Variants in SRGAP3 observed in about 807,000 individuals in gnomAD.
SRGAP3 encodes SLIT-ROBO Rho GTPase-activating protein 3.
In SRGAP3, 39 loss-of-function variants were observed where a neutral mutation model predicts 121.1. That is an observed-to-expected ratio of 0.32 (90% CI 0.25 to 0.42). The LOEUF (loss-of-function observed/expected upper bound fraction) is 0.42. Ranked by LOEUF, SRGAP3 falls within the 10% of genes least tolerant of loss-of-function variation. The probability of loss-of-function intolerance (pLI) is 1.00; values close to 1 mark genes in which losing one functional copy is unlikely to be tolerated. For synonymous variants in SRGAP3, 601 were observed against 570.0 expected (o/e 1.05, Z -0.77); for missense variants, 1,213 against 1,470.6 (o/e 0.82, Z 2.86).
rs143691562 is a variant in SRGAP3 at position 9,039,502 on chromosome 3, T to C, written c.1409-1412A>G. ...GCATAACTGAGGTATAATTTATATA[T>C]CATAAAATTTACCCATTTGGAGTGT... On this transcript the variant is annotated intron_variant, in intron 10 of 21. Transcript: ENST00000383836. 5.7e-3 allele frequency among the ~76,000 whole-genome samples: 863 copies of C among 152,332 alleles called. 2 individuals carry two copies. Among genetic ancestry groups the C allele is most frequent in the Middle Eastern group, 0.014 (4 of 294 alleles).
chr3:9,348,899 A>T (rs1194340973), intron 1 of SRGAP3: 10 of 1,047,930 alleles, frequency 9.5e-6, no homozygotes, highest in Non-Finnish European at 1.4e-5. Flanking sequence ...CTCCTGTGAG[A>T]GTCTGAAGGA....
intron 3 of SRGAP3, among the ~76,000 whole-genome samples, chr3:9,283,945 A>AT (rs1458849882): frequency 6.6e-6 from 1 of 152,198 alleles, no homozygotes; most frequent in Non-Finnish European, 1.5e-5. Context: ...TTTGCCTAAC[A>AT]TTTATAGACA....
intron 4 of SRGAP3, among the ~76,000 whole-genome samples, chr3:9,076,872 C>T (rs1381306170): frequency 2.0e-5 from 3 of 152,152 alleles, no homozygotes; most frequent in African/African-American, 4.8e-5. Flanking sequence ...CACAGCCAAG[C>T]CCAGAGGTAC....
chr3:9,182,482 G>C (rs929902048), intron 1 of SRGAP3, among the ~76,000 whole-genome samples: 1 of 152,030 alleles, frequency 6.6e-6, no homozygotes, highest in African/African-American at 2.4e-5. Context: ...TTCCCCCAGA[G>C]CCAACAGGGA....
At chr3:9,344,906 G>A (rs1185129186) in intron 1 of SRGAP3, among the ~76,000 whole-genome samples, 5 of 151,792 alleles carry the variant, frequency 3.3e-5, no homozygotes, top group South Asian at 2.1e-4. Context: ...GTGTGGTGGC[G>A]TGCGCCTGTA....
intron 1 of SRGAP3, among the ~76,000 whole-genome samples, chr3:9,360,681 C>A (rs558312971): frequency 6.6e-6 from 1 of 152,194 alleles, no homozygotes; most frequent in Non-Finnish European, 1.5e-5. Context: ...ATGGGAGAAG[C>A]GGAAGTGGAA....
intron 12 of SRGAP3, 71 bp from the exon 13 acceptor site, chr3:9,027,066 C>T (rs1427808011): frequency 1.7e-5 from 23 of 1,380,324 alleles, no homozygotes; most frequent in Middle Eastern, 3.5e-4. Flanking sequence ...TTGCAAACAC[C>T]GATTACAGAC....
intron 1 of SRGAP3, among the ~76,000 whole-genome samples, chr3:9,191,254 C>T (rs562294751): frequency 9.9e-5 from 15 of 152,274 alleles, no homozygotes; most frequent in Non-Finnish European, 1.5e-4. Flanking sequence ...GATTCACACA[C>T]GGAAAACATT....
At chr3:9,199,232 G>A (rs965692332) in intron 1 of SRGAP3, among the ~76,000 whole-genome samples, 8 of 152,176 alleles carry the variant, frequency 5.3e-5, no homozygotes, top group African/African-American at 1.2e-4. Flanking sequence ...GCACACTCCC[G>A]CGACTCACTC....
At chr3:9,049,844 G>T (rs1458558138) in intron 9 of SRGAP3, among the ~76,000 whole-genome samples, 1 of 150,882 alleles carries the variant, frequency 6.6e-6, no homozygotes, top group African/African-American at 2.4e-5. Context: ...TACGATGTTG[G>T]CTCACTGCAA....
rs1156970636 is a variant in SRGAP3 at position 9,013,530 on chromosome 3, G to C, written c.1925C>G (p.Ser642Cys). Residue 642 changes from serine to cysteine, a missense_variant, in exon 17 of 22, where the codon TCC becomes TGC. By Grantham distance (112) the Ser-to-Cys change is moderately radical. This residue lies in a region of SRGAP3 where 793 missense variants were observed against 1,032.9 expected (regional missense o/e 0.77). Coordinates refer to ENST00000383836, the MANE Select transcript of SRGAP3 (RefSeq NM_014850.4). ...CATCATGTTCTCGTCGCTATACTGG[G>C]AGAGGCTAGGAGAGAGGAGTTACCC... ...RYLFAFLNHLSQYSDENMMDP... is the reference protein window; with the variant it reads ...RYLFAFLNHLCQYSDENMMDP... 2.5e-6 allele frequency: 4 copies of C among 1,614,070 alleles called. No individual in the cohort carries two copies. In the East Asian group the frequency reaches 8.9e-5, roughly 36 times the overall value.
At chr3:9,326,598 T>C (rs1158416385) in intron 2 of SRGAP3, among the ~76,000 whole-genome samples, 1 of 151,794 alleles carries the variant, frequency 6.6e-6, no homozygotes, top group African/African-American at 2.4e-5. Context: ...AACACTGAAC[T>C]TATGTCCTCT....
At chr3:8,994,034 GC>G (rs1473555909) in intron 19 of SRGAP3, 6 of 434,344 alleles carry the variant, frequency 1.4e-5, no homozygotes, top group African/African-American at 1.2e-4. Flanking sequence ...GAGGCACATG[GC>G]AGGATCCCCT....
upstream of SRGAP3, among the ~76,000 whole-genome samples, chr3:9,250,136 T>A (rs1358760310): frequency 6.6e-6 from 1 of 152,194 alleles, no homozygotes; most frequent in Admixed American, 6.5e-5. Flanking sequence ...GGTCATTGGC[T>A]TGTGGGGCTC....
chr3:9,110,145 T>C (rs921726198), intron 2 of SRGAP3, among the ~76,000 whole-genome samples: 4 of 152,014 alleles, frequency 2.6e-5, no homozygotes, highest in Middle Eastern at 3.4e-3. Flanking sequence ...AGGTAGGAAA[T>C]TGACTGGACA....
chr3:9,226,928 C>T (rs139723784), intron 1 of SRGAP3, among the ~76,000 whole-genome samples: 227 of 152,280 alleles, frequency 1.5e-3, no homozygotes, highest in African/African-American at 3.8e-3. Context: ...CTCCAAACCC[C>T]GTCTGCAGGA....
At chr3:9,112,867 C>G (rs945697694) in intron 2 of SRGAP3, among the ~76,000 whole-genome samples, 2 of 152,178 alleles carry the variant, frequency 1.3e-5, no homozygotes, top group Non-Finnish European at 2.9e-5. Flanking sequence ...TCTCTGGTGC[C>G]CAGGCCAACC....
Position 8,985,802 on chromosome 3 carries a change from C to G in SRGAP3, c.3017G>C (p.Ser1006Thr). The change falls in exon 22 of 22, where the codon AGC (serine) becomes ACC (threonine). Residue 1006 changes from serine (S) to threonine (T), a missense_variant. Ser to Thr is a moderately conservative substitution (Grantham distance 58). Transcript: ENST00000383836. The surrounding 1 kb of genome is among the most constrained non-coding windows in gnomAD (Gnocchi z 5.1). The stretch of plus-strand genomic sequence containing the variant: ...GTGAAGGGGACTGGCGGGCTCCGAG[C>G]TGACGGGGCCTGGCGGGTTCTTCAG... The part of the protein sequence containing the change: ...EPLKNPPGPV[S>T]SEPASPLHTI... The G allele has an allele frequency of 6.2e-7, 1 of 1,600,264 alleles. No homozygotes were observed. The highest frequency in any genetic ancestry group is 8.5e-7 in the Non-Finnish European group (1 of 1,179,828).
intron 2 of SRGAP3, among the ~76,000 whole-genome samples, chr3:9,327,880 G>A (rs866312442): frequency 2.0e-5 from 3 of 151,940 alleles, no homozygotes; most frequent in Admixed American, 6.6e-5. Flanking sequence ...ATTTTACTTC[G>A]GGACAGGAAT....
Sources: gnomAD v4.1 joint callset for allele counts (sites outside exome capture counted in the v4.1 genomes callset) on GRCh38, gnomAD v4.1.1 for gene constraint, gnomAD v4.1.1 regional missense constraint, Gnocchi (gnomAD v3.1) non-coding constraint, MANE v1.5 for transcripts, NCBI Gene and HGNC (gene_info 2026-07-23, HGNC 2026-07-21) for gene names.